HAUS8: variants seen among roughly 807,000 people sequenced by gnomAD.
HAUS8 encodes the protein HAUS augmin like complex subunit 8.
In HAUS8, 38 loss-of-function variants were observed where a neutral mutation model predicts 42.9. The ratio of observed to expected loss-of-function variants is 0.89; its 90% CI spans 0.68 to 1.16. HAUS8 has a LOEUF of 1.16. Ranked by LOEUF, HAUS8 falls within the 50% of genes most tolerant of loss-of-function variation. The pLI is 0.00. For synonymous variants in HAUS8, 199 were observed against 205.8 expected (o/e 0.97, Z 0.28); for missense variants, 494 against 511.6 (o/e 0.97, Z 0.33).
In HAUS8 at chr19:17,049,906, G is replaced by C; in HGVS notation, c.1200C>G (p.Pro400=). ...FSSSSQAEVP[P]SLSRSGRDLS ...AGTCCCTCCCTGAACGAGAGAGAGA[G>C]GGCGGGACTTCTGCCTGGCTGCTTG... The change falls in exon 11 of 11, where the codon CCC becomes CCG. Residue 400 remains proline (P), a synonymous_variant. Transcript: ENST00000253669. 2.0e-6 allele frequency: 3 copies of C among 1,523,740 alleles called. No individual in the cohort carries two copies. The allele number at this position is 1,523,740 out of a possible 1,614,324, so 94.4% of individuals were successfully genotyped here. A position where few individuals can be genotyped will look rare whatever the true frequency, so the allele number is the denominator to read the frequency against.
In HAUS8 at chr19:17,073,254, G is replaced by T; in HGVS notation, c.91+20C>A. On this transcript the variant is annotated intron_variant, in intron 2 of 10. Coordinates refer to ENST00000253669, the MANE Select transcript of HAUS8 (RefSeq NM_033417.2). ...AAAGAAGAAAACCATGTTCCTTAAA[G>T]AGATCCTGACACTGCTTACCTTGAA... The T allele has an allele frequency of 6.2e-7, 1 of 1,604,212 alleles. No homozygotes were observed. The highest frequency in any genetic ancestry group is 1.1e-5 in the South Asian group (1 of 90,870).
At chr19:17,056,192 C>T (rs1383220713) in intron 8 of HAUS8, among the ~76,000 whole-genome samples, 190 bp from the exon 9 acceptor site, 2 of 152,186 alleles carry the variant, frequency 1.3e-5, no homozygotes, top group East Asian at 1.9e-4. Context: ...GGCAAGGCGG[C>T]CCAGGCCCCT....
At position 17,075,317 on chromosome 19, in the gene HAUS8, A is replaced by C. The variant is rs2305752; in HGVS notation, c.29+77T>G. On this transcript the variant is annotated intron_variant, in intron 1 of 10. Transcript: ENST00000253669. ...AACCCGAACTCACCCCGAGGGTCCT[A>C]ACTCCCCACCTCCGCTGCCCATCCT... is the stretch of plus-strand genomic sequence containing the variant. 0.44 allele frequency: 667,169 copies of C among 1,529,026 alleles called. 148,340 individuals carry two copies. The highest frequency in any genetic ancestry group is 0.57 in the South Asian group (50,776 of 89,346). 94.7% of individuals were successfully genotyped at this position (1,529,026 alleles called of 1,614,324 possible). A position where few individuals can be genotyped will look rare whatever the true frequency, so the allele number is the denominator to read the frequency against.
intron 3 of HAUS8, among the ~76,000 whole-genome samples, chr19:17,064,358 T>G (rs1489845550): frequency 6.6e-6 from 1 of 152,238 alleles, no homozygotes; most frequent in Non-Finnish European, 1.5e-5. Flanking sequence ...AGCAGATATT[T>G]TGCTAGAAAA....
intron 2 of HAUS8, among the ~76,000 whole-genome samples, chr19:17,071,192 G>A (rs956873132): frequency 1.3e-5 from 2 of 152,178 alleles, no homozygotes; most frequent in Admixed American, 6.5e-5. Flanking sequence ...GTTCAGCCAA[G>A]TGAGATTGTG....
intron 9 of HAUS8, chr19:17,053,649 G>A (rs1208393395): frequency 6.6e-6 from 1 of 152,218 alleles, no homozygotes; most frequent in African/African-American, 2.4e-5. Flanking sequence ...TCGGATGCGG[G>A]AAATTTCTTT....
At chr19:17,062,047 T>A (rs2123372180) in intron 4 of HAUS8, among the ~76,000 whole-genome samples, 1 of 152,384 alleles carries the variant, frequency 6.6e-6, no homozygotes, top group South Asian at 2.1e-4. Context: ...ATAGTTTTAT[T>A]GGCACACAGC....
chr19:17,068,863 A>G (rs2057403864), intron 3 of HAUS8, among the ~76,000 whole-genome samples, 168 bp downstream of exon 3: 1 of 152,174 alleles, frequency 6.6e-6, no homozygotes, highest in Admixed American at 6.5e-5. Context: ...TGACAGACTC[A>G]CAACTGGCAG....
chr19:17,059,535 C>T, intron 6 of HAUS8, 22 bp downstream of exon 6: 2 of 1,545,690 alleles, frequency 1.3e-6, no homozygotes, highest in Non-Finnish European at 1.8e-6. Flanking sequence ...TCTGTGGCTG[C>T]CCTCTTCTTT....
chr19:17,073,483 G>A, intron 1 of HAUS8, 148 bp from the exon 2 acceptor site: 1 of 746,912 alleles, frequency 1.3e-6, no homozygotes, highest in Non-Finnish European at 2.4e-6. Flanking sequence ...CACCTCAACA[G>A]GAAAAGGGAC....
At position 17,056,016 on chromosome 19, in the gene HAUS8, G is replaced by T; in HGVS notation, c.646-14C>A. ...GAGCATCTCGATCTGTAAGCAGAAG[G>T]GATAATCAGGGGAGACCCTGGAGTC... On this transcript the variant is annotated splice_polypyrimidine_tract_variant and intron_variant, in intron 8 of 10. Transcript: ENST00000253669. 6.2e-7 allele frequency: 1 copy of T among 1,613,720 alleles called. No homozygotes were observed. The highest frequency in any genetic ancestry group is 8.5e-7 in the Non-Finnish European group (1 of 1,179,866).
intron 9 of HAUS8, among the ~76,000 whole-genome samples, chr19:17,054,438 T>G (rs2057307338): frequency 6.6e-6 from 1 of 151,998 alleles, no homozygotes; most frequent in African/African-American, 2.4e-5. Flanking sequence ...GGAGATCACT[T>G]GAGCCCAGCA....
chr19:17,057,435 C>T lies in HAUS8; in HGVS notation c.645+1114G>A, dbSNP rs540383933. On this transcript the variant is annotated intron_variant, in intron 8 of 10. Transcript: ENST00000253669. ...AAGTATGTATGCACTCATGACATGC[C>T]TAACTTTTTCTTAATTTTTTCAGTA... is the stretch of plus-strand genomic sequence containing the variant. Among the ~76,000 whole-genome samples, 7 of 152,234 alleles carry T rather than the reference C, an allele frequency of 4.6e-5. No individual in the cohort carries two copies. The South Asian group carries it at 8.3e-4, about 18-fold the overall frequency.
At position 17,059,608 on chromosome 19, in the gene HAUS8, T is replaced by C. The variant is rs1358383378; in HGVS notation, c.369A>G (p.Ile123Met). ...ATGATGTTGACTCAGGTTTCTTTGA[T>C]ATTGTTTTTGCTAACTGTGGCGTCT... Reference protein sequence around the residue: ...VKKTPQLAKTISKKPESTSFS... With the variant: ...VKKTPQLAKTMSKKPESTSFS... Residue 123 changes from isoleucine (I) to methionine (M), a missense_variant, in exon 6 of 11, where the codon ATA becomes ATG. Transcript: ENST00000253669. 1 of 1,614,044 alleles carries C rather than the reference T, an allele frequency of 6.2e-7. No homozygotes were observed. Among genetic ancestry groups the C allele is most frequent in the Non-Finnish European group, 8.5e-7 (1 of 1,179,962 alleles).
intron 1 of HAUS8, chr19:17,075,164 G>A (rs112184336): frequency 6.0e-4 from 331 of 549,624 alleles, no homozygotes; most frequent in Non-Finnish European, 9.8e-4. Context: ...CCGCTTGCCG[G>A]AGGTCGCCCA....
chr19:17,071,634 G>T (rs555633108), intron 2 of HAUS8, among the ~76,000 whole-genome samples: 12 of 152,178 alleles, frequency 7.9e-5, no homozygotes, highest in Non-Finnish European at 5.9e-5. Context: ...CTCAGGCTTG[G>T]GCTGCCTTGG....
At chr19:17,072,323 C>G (rs1436467249) in intron 2 of HAUS8, among the ~76,000 whole-genome samples, 1 of 147,762 alleles carries the variant, frequency 6.8e-6, no homozygotes, top group Non-Finnish European at 1.5e-5. Context: ...ATCTACCATG[C>G]AAGCCGAGCA....
At chr19:17,067,309 A>C (rs7254154) in intron 3 of HAUS8, among the ~76,000 whole-genome samples, 67,039 of 151,980 alleles carry the variant, frequency 0.44, 15,069 homozygotes, top group South Asian at 0.58. Context: ...CAAGGGCTAC[A>C]AACTGTGATG....
chr19:17,073,703 G>A, intron 1 of HAUS8: 1 of 238,392 alleles, frequency 4.2e-6, no homozygotes, highest in Non-Finnish European at 8.4e-6. Context: ...TTCCCAGAAA[G>A]GGAAGAACAA....
Sources: gnomAD v4.1 joint callset for allele counts (sites outside exome capture counted in the v4.1 genomes callset) on GRCh38, gnomAD v4.1.1 for gene constraint, MANE v1.5 for transcripts, NCBI Gene and HGNC (gene_info 2026-07-23, HGNC 2026-07-21) for gene names.